HECTD2: variants seen among roughly 807,000 people sequenced by gnomAD.
The protein encoded by HECTD2 is probable E3 ubiquitin-protein ligase HECTD2.
HECTD2 carries 35 observed loss-of-function variants against 103.2 expected under a neutral mutation model. The ratio of observed to expected loss-of-function variants is 0.34; its 90% CI spans 0.26 to 0.45. The LOEUF is 0.45. HECTD2 is among the 20% of genes least tolerant of loss of function. The pLI is 1.00. For missense variants in HECTD2, 596 were observed against 937.4 expected (o/e 0.64, Z 4.76); for synonymous variants, 281 against 329.9 (o/e 0.85, Z 1.61).
intron 1 of HECTD2, among the ~76,000 whole-genome samples, chr10:91,412,976 G>A (rs968694511): frequency 2.0e-5 from 3 of 152,000 alleles, no homozygotes; most frequent in African/African-American, 7.3e-5. Flanking sequence ...CTAGAGGTTT[G>A]CTTAGGAACC....
chr10:91,452,629 C>G (rs1248306407), intron 2 of HECTD2, among the ~76,000 whole-genome samples: 6 of 151,938 alleles, frequency 3.9e-5, no homozygotes, highest in African/African-American at 9.7e-5. Flanking sequence ...TTTGAGCTAG[C>G]ATACTCAGCC....
chr10:91,410,041 G>C (rs1842846528), upstream of HECTD2, among the ~76,000 whole-genome samples: 1 of 152,162 alleles, frequency 6.6e-6, no homozygotes, highest in Non-Finnish European at 1.5e-5. Flanking sequence ...CGCGGCCCGG[G>C]TGCGGGGTCT....
At position 91,514,196 on chromosome 10, in the gene HECTD2, A is replaced by AGAT. The variant is rs1223251111; in HGVS notation, c.*1815_*1817dup. The stretch of plus-strand genomic sequence containing the variant: ...AATGTAAACAGTTTTTATTTGGTAG[A>AGAT]GATGACTCATGGAAAAATTGTGTTG... On this transcript the variant is annotated 3_prime_UTR_variant, in exon 21 of 21. Transcript: ENST00000298068. 1.3e-5 allele frequency: 2 copies of AGAT among 152,658 alleles called. No homozygotes were observed. The highest frequency in any genetic ancestry group is 6.5e-5 in the Admixed American group (1 of 15,278). 9.5% of individuals were successfully genotyped at this position (152,658 alleles called of 1,614,324 possible).
At chr10:91,490,901 A>G (rs1846452045) in intron 11 of HECTD2, among the ~76,000 whole-genome samples, 2 of 148,574 alleles carry the variant, frequency 1.3e-5, no homozygotes, top group Admixed American at 1.3e-4. Flanking sequence ...AAAAAAAAAA[A>G]AAAAAAAAAA....
At chr10:91,468,346 C>T (rs547036746) in intron 5 of HECTD2, among the ~76,000 whole-genome samples, 1 of 152,204 alleles carries the variant, frequency 6.6e-6, no homozygotes, top group East Asian at 1.9e-4. Flanking sequence ...TCAGCTGAAC[C>T]CACTTTATAC....
chr10:91,411,418 GTTTGC>G (rs1417706204), intron 1 of HECTD2, among the ~76,000 whole-genome samples: 5 of 152,102 alleles, frequency 3.3e-5, no homozygotes, highest in Non-Finnish European at 5.9e-5. Flanking sequence ...CTTTTTGAAA[GTTTGC>G]TTTGATATAT....
chr10:91,496,099 T>G, intron 14 of HECTD2, 115 bp from the exon 15 acceptor site: 1 of 571,066 alleles, frequency 1.8e-6, no homozygotes, highest in Non-Finnish European at 3.0e-6. Flanking sequence ...GTGATACTAA[T>G]TAGAAAGTCA....
chr10:91,438,915 T>C (rs970827777), intron 2 of HECTD2, among the ~76,000 whole-genome samples: 25 of 152,210 alleles, frequency 1.6e-4, no homozygotes, highest in African/African-American at 5.3e-4. Flanking sequence ...GCCCACTTTT[T>C]GATGGAGTAG....
chr10:91,482,428 G>A (rs1000367416), intron 7 of HECTD2, among the ~76,000 whole-genome samples: 22 of 151,814 alleles, frequency 1.4e-4, no homozygotes, highest in Non-Finnish European at 2.7e-4. Flanking sequence ...AGCTGTATGT[G>A]TTTCTCCCCT....
At chr10:91,443,726 C>A (rs1844467421) in intron 2 of HECTD2, among the ~76,000 whole-genome samples, 1 of 152,102 alleles carries the variant, frequency 6.6e-6, no homozygotes, top group South Asian at 2.1e-4. Flanking sequence ...TAGATGTTCC[C>A]AGATGATGCT....
At chr10:91,415,717 T>C (rs573955647) in intron 1 of HECTD2, among the ~76,000 whole-genome samples, 9 of 152,338 alleles carry the variant, frequency 5.9e-5, no homozygotes, top group Non-Finnish European at 1.3e-4. Flanking sequence ...AAGCTGCACC[T>C]ATGGCAGTAT....
At chr10:91,429,663 C>T (rs1173270366) in intron 2 of HECTD2, among the ~76,000 whole-genome samples, 1 of 152,072 alleles carries the variant, frequency 6.6e-6, no homozygotes, top group Non-Finnish European at 1.5e-5. Context: ...AGTTTATTTG[C>T]GTAGAGGTGT....
chr10:91,485,447 T>G (rs1388692840), intron 10 of HECTD2, 144 bp downstream of exon 10: 1 of 576,506 alleles, frequency 1.7e-6, no homozygotes, highest in Non-Finnish European at 2.8e-6. Flanking sequence ...AATATCATAT[T>G]TATTAAAGTA....
At chr10:91,425,152 T>G (rs1843507209) in intron 1 of HECTD2, 129 bp from the exon 2 acceptor site, 1 of 710,702 alleles carries the variant, frequency 1.4e-6, no homozygotes, top group South Asian at 5.9e-5. Context: ...AAGTCAAATT[T>G]ATATACGTTT....
At chr10:91,437,619 C>CTTTTTTTTTTTTTTTTTTTTGGTTTTTTT (rs59785873) in intron 2 of HECTD2, among the ~76,000 whole-genome samples, 1 of 87,416 alleles carries the variant, frequency 1.1e-5, no homozygotes, top group Non-Finnish European at 2.7e-5. Context: ...GATGGTTGTT[C>CTTTTTTTTTTTTTTTTTTTTGGTTTTTTT]TTTTTTTTTT....
At chr10:91,485,386 T>A (rs1846229510) in intron 10 of HECTD2, 83 bp downstream of exon 10, 1 of 1,012,710 alleles carries the variant, frequency 9.9e-7, no homozygotes, top group South Asian at 1.6e-5. Context: ...TATATGAAGT[T>A]TACACATACG....
chr10:91,491,826 G>A (rs930341096), intron 12 of HECTD2, among the ~76,000 whole-genome samples: 5 of 152,156 alleles, frequency 3.3e-5, no homozygotes, highest in South Asian at 2.1e-4. Context: ...GGCTGATTCC[G>A]CTATGTGATT....
intron 2 of HECTD2, among the ~76,000 whole-genome samples, chr10:91,439,342 C>A (rs1280538157): frequency 3.3e-5 from 5 of 152,086 alleles, no homozygotes; most frequent in Non-Finnish European, 7.4e-5. Context: ...GAATCCTTTC[C>A]CCATTGATTG....
intron 2 of HECTD2, among the ~76,000 whole-genome samples, chr10:91,427,185 A>AT (rs977623058): frequency 1.3e-5 from 2 of 151,320 alleles, no homozygotes; most frequent in African/African-American, 4.9e-5. Context: ...TGAACTCATC[A>AT]TTTTTTATGG....
Sources: allele counts gnomAD v4.1 joint callset (sites outside exome capture counted in the v4.1 genomes callset), GRCh38; gene constraint gnomAD v4.1.1; transcripts MANE v1.5; gene names NCBI Gene and HGNC (gene_info 2026-07-23, HGNC 2026-07-21).